Variants in DSCAM observed in about 807,000 individuals in gnomAD.
DSCAM encodes the protein DS cell adhesion molecule.
A neutral mutation model predicts 217.7 loss-of-function variants in DSCAM; 47 were observed. The observed-to-expected ratio is 0.22, with a 90% CI of 0.17 to 0.28. The LOEUF (loss-of-function observed/expected upper bound fraction) is 0.28, where lower values mean the gene tolerates loss of function less well. Among genes scored for constraint, DSCAM ranks in the 10% least tolerant of loss-of-function variants. The pLI is 1.00. For synonymous variants in DSCAM, 1,056 were observed against 1,015.3 expected, an observed-to-expected ratio of 1.04 and a Z score of -0.76; for missense variants, 2,080 against 2,618.3, an observed-to-expected ratio of 0.79 and a Z score of 4.49.
At chr21:40,105,572 C>T (rs1319089952) in intron 20 of DSCAM, among the ~76,000 whole-genome samples, 1 of 152,146 alleles carries the variant, frequency 6.6e-6, no homozygotes, top group African/African-American at 2.4e-5. Context: ...CCCCTTCCAC[C>T]ATGATTGTAA....
At chr21:40,659,665 G>T (rs61234695) in intron 3 of DSCAM, among the ~76,000 whole-genome samples, 2,445 of 131,330 alleles carry the variant, frequency 0.019, 63 homozygotes, top group African/African-American at 0.058. Context: ...CCTATCTATC[G>T]TCTATCTGCC....
At chr21:40,259,714 C>G (rs887171487) in intron 11 of DSCAM, among the ~76,000 whole-genome samples, 1 of 119,098 alleles carries the variant, frequency 8.4e-6, no homozygotes, top group African/African-American at 3.1e-5. Context: ...CGCTCTGTCG[C>G]CCAGGCTGGA....
At chr21:40,527,680 T>A (rs1328117488) in intron 3 of DSCAM, among the ~76,000 whole-genome samples, 2 of 152,216 alleles carry the variant, frequency 1.3e-5, no homozygotes, top group Non-Finnish European at 2.9e-5. Context: ...TCTAAGCCAC[T>A]AAGTTTTGAA....
At chr21:40,303,473 C>A (rs1357249373) in intron 9 of DSCAM, among the ~76,000 whole-genome samples, 1 of 152,114 alleles carries the variant, frequency 6.6e-6, no homozygotes, top group African/African-American at 2.4e-5. Context: ...ATACTATTTT[C>A]ATCCCCATCT....
intron 16 of DSCAM, among the ~76,000 whole-genome samples, chr21:40,149,449 C>G (rs2090397240): frequency 7.2e-6 from 1 of 138,940 alleles, no homozygotes; most frequent in Non-Finnish European, 1.6e-5. Flanking sequence ...CCACTGTCAC[C>G]ACAACATCCA....
Position 40,466,298 on chromosome 21 carries a change from C to T in DSCAM, c.509-97053G>A, listed in dbSNP as rs73224319. On this transcript the variant is annotated intron_variant, in intron 3 of 32. Transcript: ENST00000400454. ...GACCTCTCATGCCAATATCACTTTTCATTCCTGAAACTCTGATTTAAAGAG... is the reference window on the plus strand; with the variant it reads ...GACCTCTCATGCCAATATCACTTTTTATTCCTGAAACTCTGATTTAAAGAG... Among the ~76,000 whole-genome samples the T allele has an allele frequency of 6.8e-3, 1,042 of 152,320 alleles. 10 individuals are homozygous for T. Among genetic ancestry groups the T allele is most frequent in the Middle Eastern group, 0.02 (6 of 294 alleles).
intron 3 of DSCAM, among the ~76,000 whole-genome samples, chr21:40,529,688 T>C (rs941897424): frequency 1.3e-5 from 2 of 152,174 alleles, no homozygotes; most frequent in Non-Finnish European, 2.9e-5. Context: ...ATAAGAATGT[T>C]CCAGACGTGA....
At chr21:40,656,540 CT>C (rs1361904323) in intron 3 of DSCAM, among the ~76,000 whole-genome samples, 5 of 151,470 alleles carry the variant, frequency 3.3e-5, no homozygotes, top group African/African-American at 1.2e-4. Flanking sequence ...AAAAAAAGTT[CT>C]GTCTGCACAA....
chr21:40,712,072 A>G (rs1014702041), intron 1 of DSCAM, among the ~76,000 whole-genome samples: 2 of 152,238 alleles, frequency 1.3e-5, no homozygotes, highest in East Asian at 3.9e-4. Context: ...AGCAATAAAT[A>G]AAATACACCA....
chr21:40,462,395 T>C (rs73902634), intron 3 of DSCAM, among the ~76,000 whole-genome samples: 11,745 of 152,220 alleles, frequency 0.077, 907 homozygotes, highest in African/African-American at 0.19. Context: ...GTTTGACAAG[T>C]CCTCCAAGTA....
At chr21:40,483,523 G>A (rs538650028) in intron 3 of DSCAM, among the ~76,000 whole-genome samples, 1 of 152,220 alleles carries the variant, frequency 6.6e-6, no homozygotes, top group African/African-American at 2.4e-5. Flanking sequence ...ATTATTGTGA[G>A]GATCAACAAG....
intron 1 of DSCAM, among the ~76,000 whole-genome samples, chr21:40,808,628 CCAT>C (rs2091810250): frequency 6.6e-6 from 1 of 152,024 alleles, no homozygotes; most frequent in African/African-American, 2.4e-5. Context: ...TGCACCACCA[CCAT>C]ACCTACCTAA....
intron 10 of DSCAM, among the ~76,000 whole-genome samples, chr21:40,284,578 A>G (rs1346598404): frequency 6.6e-6 from 1 of 152,196 alleles, no homozygotes; most frequent in East Asian, 1.9e-4. Context: ...AGAAGCAGCA[A>G]ATTGATGCAT....
At chr21:40,408,093 A>G (rs577592564) in intron 3 of DSCAM, among the ~76,000 whole-genome samples, 1 of 152,102 alleles carries the variant, frequency 6.6e-6, no homozygotes, top group South Asian at 2.1e-4. Context: ...GCCTGAAAAT[A>G]GGTTTGTGTT....
chr21:40,784,813 T>G (rs960187230), intron 1 of DSCAM, among the ~76,000 whole-genome samples: 1 of 152,172 alleles, frequency 6.6e-6, no homozygotes, highest in African/African-American at 2.4e-5. Flanking sequence ...AACCTTCTGC[T>G]GCTTTAATGT....
chr21:40,198,905 G>A (rs763618569), intron 11 of DSCAM, among the ~76,000 whole-genome samples: 10 of 152,192 alleles, frequency 6.6e-5, no homozygotes, highest in Admixed American at 1.3e-4. Flanking sequence ...TTGTGGGACT[G>A]GACTGGTCTT....
chr21:40,256,875 C>T (rs1207344090), intron 11 of DSCAM, among the ~76,000 whole-genome samples: 1 of 152,184 alleles, frequency 6.6e-6, no homozygotes, highest in Non-Finnish European at 1.5e-5. Context: ...ACCATACTTA[C>T]TCTTCAAATA....
intron 3 of DSCAM, among the ~76,000 whole-genome samples, chr21:40,499,382 T>G (rs2076154290): frequency 6.6e-6 from 1 of 152,162 alleles, no homozygotes; most frequent in Non-Finnish European, 1.5e-5. Flanking sequence ...AATACCTCAA[T>G]CAGACATTCA....
At chr21:40,517,999 T>C (rs1483309862) in intron 3 of DSCAM, among the ~76,000 whole-genome samples, 1 of 151,968 alleles carries the variant, frequency 6.6e-6, no homozygotes, top group Non-Finnish European at 1.5e-5. Flanking sequence ...TTTTCTGGCC[T>C]CTGCAGACTC....
Sources: allele counts gnomAD v4.1 joint callset (sites outside exome capture counted in the v4.1 genomes callset), GRCh38; gene constraint gnomAD v4.1.1; transcripts MANE v1.5; gene names NCBI Gene and HGNC (gene_info 2026-07-23, HGNC 2026-07-21).